LDLRAD4: variants seen among roughly 807,000 people sequenced by gnomAD.
The protein encoded by LDLRAD4 is low density lipoprotein receptor class A domain containing 4.
A neutral mutation model predicts 17.0 loss-of-function variants in LDLRAD4; 5 were observed. The observed-to-expected ratio is 0.29, with a 90% CI of 0.15 to 0.62. LDLRAD4 has a LOEUF of 0.62. LDLRAD4 is among the 20% of genes least tolerant of loss of function. The pLI, the probability that LDLRAD4 is intolerant of heterozygous loss-of-function variation, is 0.84. For synonymous variants in LDLRAD4, 168 were observed against 171.8 expected, an observed-to-expected ratio of 0.98 and a Z score of 0.17; for missense variants, 340 against 424.7, an observed-to-expected ratio of 0.80 and a Z score of 1.75.
chr18:13,468,389 T>G (rs894949474), intron 3 of LDLRAD4, among the ~76,000 whole-genome samples: 2 of 152,168 alleles, frequency 1.3e-5, no homozygotes, highest in Non-Finnish European at 2.9e-5. Flanking sequence ...GGAACACTTT[T>G]ACACTGTTGG....
At chr18:13,427,117 C>T (rs1040253897) in intron 2 of LDLRAD4, among the ~76,000 whole-genome samples, 17 of 152,062 alleles carry the variant, frequency 1.1e-4, no homozygotes, top group African/African-American at 3.1e-4. Context: ...ACCCAGGAGG[C>T]GGAGATTGCA....
At chr18:13,227,221 C>G (rs1361705610) in intron 1 of LDLRAD4, among the ~76,000 whole-genome samples, 1 of 152,220 alleles carries the variant, frequency 6.6e-6, no homozygotes, top group African/African-American at 2.4e-5. Context: ...AGTGCCTGAC[C>G]TCTTAAGCTG....
At chr18:13,319,128 C>T (rs1029286975) in intron 1 of LDLRAD4, among the ~76,000 whole-genome samples, 2 of 152,164 alleles carry the variant, frequency 1.3e-5, no homozygotes, top group East Asian at 3.8e-4. Flanking sequence ...GCCCTTTATA[C>T]CTATTAAATA....
chr18:13,568,575 C>T (rs1170540790), intron 3 of LDLRAD4, among the ~76,000 whole-genome samples: 1 of 152,154 alleles, frequency 6.6e-6, no homozygotes, highest in Non-Finnish European at 1.5e-5. Flanking sequence ...ACCGCTTCTG[C>T]CACTGTCTCC....
At chr18:13,505,547 C>T (rs372109240) in intron 3 of LDLRAD4, among the ~76,000 whole-genome samples, 7 of 152,114 alleles carry the variant, frequency 4.6e-5, no homozygotes, top group East Asian at 3.8e-4. Flanking sequence ...TTGCCAGGCA[C>T]GGTGGCTCAC....
At chr18:13,325,094 G>A (rs950704570) in intron 1 of LDLRAD4, among the ~76,000 whole-genome samples, 3 of 152,224 alleles carry the variant, frequency 2.0e-5, no homozygotes, top group Non-Finnish European at 4.4e-5. Flanking sequence ...CTGCCAAGAT[G>A]AGCTGTTAAC....
At chr18:13,560,519 G>C (rs142498954) in intron 3 of LDLRAD4, among the ~76,000 whole-genome samples, 1 of 152,226 alleles carries the variant, frequency 6.6e-6, no homozygotes, top group African/African-American at 2.4e-5. Context: ...CTATGGATTT[G>C]CCCTTCAGAT....
At chr18:13,266,469 C>G (rs1195298995) in intron 1 of LDLRAD4, among the ~76,000 whole-genome samples, 1 of 152,220 alleles carries the variant, frequency 6.6e-6, no homozygotes, top group Non-Finnish European at 1.5e-5. Context: ...CTTGGCTTTC[C>G]TTTCCTTTCT....
At chr18:13,417,368 G>C in intron 2 of LDLRAD4, among the ~76,000 whole-genome samples, 1 of 151,980 alleles carries the variant, frequency 6.6e-6, no homozygotes, top group East Asian at 1.9e-4. Flanking sequence ...GTTTCACTTT[G>C]GTGCGGTGGT....
intron 1 of LDLRAD4, among the ~76,000 whole-genome samples, chr18:13,299,409 A>G (rs1599226000): frequency 6.6e-6 from 1 of 152,284 alleles, no homozygotes; most frequent in African/African-American, 2.4e-5. Context: ...GAGGAAGAAA[A>G]GCCTGAGCAG....
rs556519283 is a variant in LDLRAD4 at position 13,348,333 on chromosome 18, T to C, written c.-382-39008T>C. Among the ~76,000 whole-genome samples, 70 of 152,300 alleles carry C rather than the reference T, an allele frequency of 4.6e-4. 2 individuals carry two copies. The East Asian group carries it at 0.012, about 26-fold the overall frequency. Reference sequence around the variant, plus strand: ...CAGGTCTTTTGGAGTTTGCTGGAGGTCCACTCCAGACTCTGTTTGTCTGGG... The same window carrying C: ...CAGGTCTTTTGGAGTTTGCTGGAGGCCCACTCCAGACTCTGTTTGTCTGGG... On this transcript the variant is annotated intron_variant, in intron 1 of 5. Coordinates refer to ENST00000359446, the Ensembl canonical transcript of LDLRAD4.
At chr18:13,552,769 A>G (rs188527608) in intron 3 of LDLRAD4, among the ~76,000 whole-genome samples, 13 of 152,292 alleles carry the variant, frequency 8.5e-5, no homozygotes, top group Admixed American at 7.2e-4. Flanking sequence ...CTCCCTCTTC[A>G]TGGGCCACCT....
intron 1 of LDLRAD4, among the ~76,000 whole-genome samples, chr18:13,368,108 C>G (rs1055232413): frequency 1.3e-5 from 2 of 152,012 alleles, no homozygotes; most frequent in Non-Finnish European, 2.9e-5. Flanking sequence ...GGGGGTGGTG[C>G]GAGTGAGCCT....
intron 3 of LDLRAD4, among the ~76,000 whole-genome samples, chr18:13,568,580 G>T (rs2094639244): frequency 6.6e-6 from 1 of 152,168 alleles, no homozygotes; most frequent in East Asian, 1.9e-4. Context: ...TTCTGCCACT[G>T]TCTCCTGGCC....
At chr18:13,578,855 T>TTTG (rs1400353235) in intron 3 of LDLRAD4, among the ~76,000 whole-genome samples, 2 of 140,538 alleles carry the variant, frequency 1.4e-5, no homozygotes, top group African/African-American at 5.4e-5. Flanking sequence ...TTTTTTTTTT[T>TTTG]GTCAGAGATC....
At chr18:13,506,228 T>TTTA in intron 3 of LDLRAD4, among the ~76,000 whole-genome samples, 1 of 151,970 alleles carries the variant, frequency 6.6e-6, no homozygotes, top group Non-Finnish European at 1.5e-5. Flanking sequence ...CTTTTTTTTT[T>TTTA]TTATTATTAT....
intron 3 of LDLRAD4, among the ~76,000 whole-genome samples, chr18:13,606,185 A>AAG (rs1568396898): frequency 6.6e-6 from 1 of 152,016 alleles, no homozygotes; most frequent in African/African-American, 2.4e-5. Flanking sequence ...CTCTATAAAA[A>AAG]CTTTATACTG....
chr18:13,426,754 C>T (rs1157896880), intron 2 of LDLRAD4, among the ~76,000 whole-genome samples: 1 of 152,182 alleles, frequency 6.6e-6, no homozygotes, highest in African/African-American at 2.4e-5. Flanking sequence ...GGGACATTCT[C>T]CTGCAGTAGA....
At chr18:13,432,904 A>G (rs1457680407) in intron 2 of LDLRAD4, among the ~76,000 whole-genome samples, 2 of 152,100 alleles carry the variant, frequency 1.3e-5, no homozygotes, top group Non-Finnish European at 2.9e-5. Context: ...TTTTGTAGAG[A>G]TGGGGTCTCA....
Sources: allele counts gnomAD v4.1 joint callset (sites outside exome capture counted in the v4.1 genomes callset), GRCh38; gene constraint gnomAD v4.1.1; transcripts MANE v1.5; gene names NCBI Gene and HGNC (gene_info 2026-07-23, HGNC 2026-07-21).